The following FRMD4A variants were observed in gnomAD, a reference collection of about 807,000 sequenced individuals.
FRMD4A encodes the protein FERM domain containing 4A.
Under a neutral mutation model 129.1 loss-of-function variants are expected in FRMD4A, and 29 were observed. The observed-to-expected ratio is 0.22, with a 90% CI of 0.17 to 0.31. The LOEUF (loss-of-function observed/expected upper bound fraction) is 0.31. Ranked by LOEUF, FRMD4A falls within the 10% of genes least tolerant of loss-of-function variation. The probability of loss-of-function intolerance (pLI) is 1.00; values close to 1 mark genes in which losing one functional copy is unlikely to be tolerated. For missense variants in FRMD4A, 1,272 were observed against 1,375.8 expected, an observed-to-expected ratio of 0.92 and a Z score of 1.19; for synonymous variants, 634 against 571.6, an observed-to-expected ratio of 1.11 and a Z score of -1.56.
At chr10:13,742,465 G>A (rs939603101) in intron 9 of FRMD4A, among the ~76,000 whole-genome samples, 1 of 152,208 alleles carries the variant, frequency 6.6e-6, no homozygotes, top group African/African-American at 2.4e-5. Context: ...TCAAAGCTCT[G>A]TGAGGGGAGC....
At chr10:14,195,369 C>T (rs1842442177) in intron 2 of FRMD4A, among the ~76,000 whole-genome samples, 1 of 151,924 alleles carries the variant, frequency 6.6e-6, no homozygotes, top group Admixed American at 6.6e-5. Context: ...GGAATCACAT[C>T]TGCCTGAGAT....
chr10:13,753,290 T>C (rs2130662894), intron 8 of FRMD4A, among the ~76,000 whole-genome samples: 2 of 152,310 alleles, frequency 1.3e-5, no homozygotes, highest in Admixed American at 1.3e-4. Flanking sequence ...CATGCTTTTT[T>C]CCCCAGGTGT....
At chr10:13,736,535 T>C (rs1215767737) in intron 12 of FRMD4A, among the ~76,000 whole-genome samples, 1 of 152,268 alleles carries the variant, frequency 6.6e-6, no homozygotes, top group East Asian at 1.9e-4. Flanking sequence ...ACCACCTTAC[T>C]GATCAATGGA....
chr10:13,844,459 T>C (rs1447066340), intron 3 of FRMD4A, among the ~76,000 whole-genome samples: 3 of 152,168 alleles, frequency 2.0e-5, no homozygotes, highest in Admixed American at 1.3e-4. Flanking sequence ...TTATAAAAGA[T>C]TGACACTATT....
At chr10:14,093,279 A>G (rs1836760265) in intron 2 of FRMD4A, among the ~76,000 whole-genome samples, 1 of 152,238 alleles carries the variant, frequency 6.6e-6, no homozygotes, top group South Asian at 2.1e-4. Context: ...CACATAAATA[A>G]ACTAATTGGA....
At chr10:13,751,074 G>C (rs1033430716) in intron 8 of FRMD4A, among the ~76,000 whole-genome samples, 16 of 152,210 alleles carry the variant, frequency 1.1e-4, no homozygotes, top group African/African-American at 3.9e-4. Flanking sequence ...ATGAAACCAT[G>C]AGAAAGGCAA....
intron 2 of FRMD4A, among the ~76,000 whole-genome samples, chr10:14,291,778 C>G (rs1845856433): frequency 6.6e-6 from 1 of 151,682 alleles, no homozygotes; most frequent in Admixed American, 6.6e-5. Context: ...ACTACTCCTA[C>G]TGGAGTAGCA....
At chr10:14,245,458 G>T (rs1387180249) in intron 2 of FRMD4A, among the ~76,000 whole-genome samples, 1 of 152,202 alleles carries the variant, frequency 6.6e-6, no homozygotes, top group Non-Finnish European at 1.5e-5. Flanking sequence ...AGCATTCAAA[G>T]AGAGGAAAAT....
chr10:14,178,388 T>G (rs1841803204), intron 2 of FRMD4A, among the ~76,000 whole-genome samples: 1 of 152,230 alleles, frequency 6.6e-6, no homozygotes, highest in African/African-American at 2.4e-5. Flanking sequence ...CCAGGTTCTG[T>G]GTTAGACACT....
intron 2 of FRMD4A, among the ~76,000 whole-genome samples, chr10:13,924,586 A>C (rs962239454): frequency 1.1e-4 from 17 of 152,012 alleles, no homozygotes; most frequent in Admixed American, 1.1e-3. Context: ...TTCTTTTCAC[A>C]TTACTCTCCA....
intron 2 of FRMD4A, among the ~76,000 whole-genome samples, chr10:14,152,600 G>A (rs1840394454): frequency 6.6e-6 from 1 of 152,186 alleles, no homozygotes; most frequent in Non-Finnish European, 1.5e-5. Flanking sequence ...ATAGAGAGAA[G>A]CCGGGCGCGG....
chr10:14,321,603 A>G (rs1468490640), intron 2 of FRMD4A, among the ~76,000 whole-genome samples: 9 of 152,220 alleles, frequency 5.9e-5, no homozygotes, highest in Non-Finnish European at 1.3e-4. Flanking sequence ...TTAAAAAGCT[A>G]GAGCCTTATC....
chr10:14,141,005 C>G (rs1216532118), intron 2 of FRMD4A, among the ~76,000 whole-genome samples: 1 of 152,008 alleles, frequency 6.6e-6, no homozygotes, highest in African/African-American at 2.4e-5. Context: ...GCAGTCCAAC[C>G]CTAGGGACAC....
At chr10:14,204,997 C>T (rs372549195) in intron 2 of FRMD4A, among the ~76,000 whole-genome samples, 3 of 152,058 alleles carry the variant, frequency 2.0e-5, no homozygotes, top group East Asian at 1.9e-4. Flanking sequence ...CTCCACCCCA[C>T]GTGTCTCTGC....
Position 13,689,198 on chromosome 10 carries a change from CGGGGGGG to C in FRMD4A, c.1117+4693_1117+4699del, listed in dbSNP as rs61670615. Among the ~76,000 whole-genome samples, 80 of 68,068 alleles carry C rather than the reference CGGGGGGG, an allele frequency of 1.2e-3. 1 individual carries two copies. The highest frequency in any genetic ancestry group is 2.5e-3 in the South Asian group (3 of 1,220). 44.7% of individuals were successfully genotyped at this position (68,068 alleles called of 152,430 possible). ...CAATGAGCAGTACACAAACTCTTTG[CGGGGGGG>C]GGGGGGGGGGGGGGGAGGGCTATAA... On this transcript the variant is annotated intron_variant, in intron 15 of 24. Coordinates refer to ENST00000357447, the MANE Select transcript of FRMD4A (RefSeq NM_018027.5).
At chr10:13,989,518 G>A (rs1399757201) in intron 2 of FRMD4A, among the ~76,000 whole-genome samples, 3 of 152,142 alleles carry the variant, frequency 2.0e-5, no homozygotes, top group African/African-American at 7.2e-5. Flanking sequence ...TAGTAGAGAT[G>A]GGGTTTCACC....
At chr10:14,031,217 C>T (rs1234954981) in intron 2 of FRMD4A, among the ~76,000 whole-genome samples, 1 of 152,068 alleles carries the variant, frequency 6.6e-6, no homozygotes, top group Non-Finnish European at 1.5e-5. Flanking sequence ...GGTTCAAATA[C>T]ACATTGTGGA....
chr10:13,961,969 A>G (rs559922626), intron 2 of FRMD4A, among the ~76,000 whole-genome samples: 1 of 152,238 alleles, frequency 6.6e-6, no homozygotes, highest in East Asian at 1.9e-4. Flanking sequence ...TACCTCCAGA[A>G]CTTTGCTCAA....
At chr10:13,763,192 G>A (rs189075263) in intron 6 of FRMD4A, among the ~76,000 whole-genome samples, 1,766 of 152,260 alleles carry the variant, frequency 0.012, 17 homozygotes, top group Non-Finnish European at 0.019. Context: ...AATCTTTAGA[G>A]AAATTAAGAG....
Sources: allele counts gnomAD v4.1 joint callset (sites outside exome capture counted in the v4.1 genomes callset), GRCh38; gene constraint gnomAD v4.1.1; transcripts MANE v1.5; gene names NCBI Gene and HGNC (gene_info 2026-07-23, HGNC 2026-07-21).